The following KCNC4 variants were observed in gnomAD, a reference collection of about 807,000 sequenced individuals.
The protein encoded by KCNC4 is voltage-gated potassium channel KCNC4.
A neutral mutation model predicts 42.8 loss-of-function variants in KCNC4; 23 were observed. The observed-to-expected ratio is 0.54, with a 90% CI of 0.39 to 0.76. KCNC4 has a LOEUF of 0.76. Among genes scored for constraint, KCNC4 ranks in the 30% least tolerant of loss-of-function variants. The probability of loss-of-function intolerance (pLI) is 0.00; values close to 1 mark genes in which losing one functional copy is unlikely to be tolerated. For missense variants in KCNC4, 751 were observed against 898.2 expected (o/e 0.84, Z 2.10); for synonymous variants, 422 against 393.5 (o/e 1.07, Z -0.86).
intron 1 of KCNC4, among the ~76,000 whole-genome samples, chr1:110,265,083 G>GAA (rs34254003): frequency 8.8e-6 from 1 of 113,418 alleles, no homozygotes; most frequent in Non-Finnish European, 1.8e-5. Flanking sequence ...CTCTGTCTCA[G>GAA]AAAAAAAAAA....
Position 110,210,562 on chromosome 1 carries a change from AG to A in KCNC4, c.-937del. Among the ~76,000 whole-genome samples, 1 of 151,522 alleles carries A rather than the reference AG, an allele frequency of 6.6e-6. No individual in the cohort carries two copies. Among genetic ancestry groups the A allele is most frequent in the East Asian group, 1.9e-4 (1 of 5,132 alleles). On this transcript the variant is annotated 5_prime_UTR_variant, in exon 1 of 4. The change creates a premature stop within an existing upstream ORF in the 5' untranslated region. Coordinates refer to ENST00000438661, the MANE Select transcript of KCNC4 (RefSeq NM_001039574.3). ...GGCTCCCTCTCCGCGCGGCCCGGGA[AG>A]CCTGCAGGTGTCCTTGGCCGCTCGG...
rs899006183 is a variant in KCNC4 at position 110,210,759 on chromosome 1, C to G, written c.-741C>G. ...GCAGCTCCCAGCCGCGGACGCAGGA[C>G]CCGAGGCTCGCTCCTGCGGGCGCGC... On this transcript the variant is annotated 5_prime_UTR_variant, in exon 1 of 4. Coordinates refer to ENST00000438661, the MANE Select transcript of KCNC4 (RefSeq NM_001039574.3). Among the ~76,000 whole-genome samples the G allele has an allele frequency of 4.6e-5, 7 of 151,702 alleles. No homozygotes were observed. Among genetic ancestry groups the G allele is most frequent in the African/African-American group, 9.7e-5 (4 of 41,376 alleles).
chr1:110,214,356 G>C (rs1050062181), intron 1 of KCNC4, among the ~76,000 whole-genome samples: 1 of 152,142 alleles, frequency 6.6e-6, no homozygotes, highest in South Asian at 2.1e-4. Context: ...TGAATATCTG[G>C]ATGGAGCTCT....
intron 1 of KCNC4, among the ~76,000 whole-genome samples, chr1:110,264,047 G>T (rs1019512572): frequency 3.3e-5 from 5 of 152,112 alleles, no homozygotes; most frequent in African/African-American, 1.2e-4. Flanking sequence ...AACTGAACAG[G>T]TGTCTTCTGG....
chr1:110,217,201 C>T (rs1343412283), intron 1 of KCNC4, among the ~76,000 whole-genome samples: 1 of 151,988 alleles, frequency 6.6e-6, no homozygotes, highest in Non-Finnish European at 1.5e-5. Context: ...TGAGAGGTGC[C>T]ACAGGAGTCG....
Position 110,223,723 on chromosome 1 carries a change from T to G in KCNC4, c.1438T>G (p.Ser480Ala). 6.2e-7 allele frequency: 1 copy of G among 1,614,060 alleles called. No individual in the cohort carries two copies. The stretch of plus-strand genomic sequence containing the variant: ...CGTCAACAACTTCGGCATGTACTAC[T>G]CCCTGGCCATGGCCAAGCAGAAGCT... ...VIVNNFGMYY[S>A]LAMAKQKLPK... Residue 480 changes from serine to alanine, a missense_variant, in exon 2 of 4, where the codon TCC becomes GCC. Transcript: ENST00000438661. This position sits in a 1 kb window ranked among gnomAD's most constrained non-coding sequence, Gnocchi z 7.5.
At position 110,257,154 on chromosome 1, in the gene KCNC4, A is replaced by C. The variant is rs976280574; in HGVS notation, n.31-25380A>C. Among the ~76,000 whole-genome samples the C allele has an allele frequency of 2.6e-5, 4 of 152,338 alleles. No individual in the cohort carries two copies. The East Asian group carries it at 7.7e-4, about 29-fold the overall frequency. On this transcript the variant is annotated intron_variant and non_coding_transcript_variant, in intron 1 of 2. Transcript: ENST00000412512. ...TTTTAGAAGAAAAACCTAATTAAAC[A>C]GTTATGGGTTGGGAGCATAATAAAT...
At chr1:110,257,702 C>A (rs1659359741) in intron 1 of KCNC4, among the ~76,000 whole-genome samples, 1 of 124,732 alleles carries the variant, frequency 8.0e-6, no homozygotes, top group African/African-American at 3.3e-5. Context: ...GCCTTGGCAA[C>A]AGAGCGAGAC....
downstream of KCNC4, among the ~76,000 whole-genome samples, chr1:110,249,683 A>G (rs977766591): frequency 2.6e-5 from 4 of 152,252 alleles, no homozygotes; most frequent in Admixed American, 6.5e-5. Context: ...CTTAAAAGAA[A>G]AGAGAAATTG....
At chr1:110,216,352 C>T (rs1258396577) in intron 1 of KCNC4, among the ~76,000 whole-genome samples, 5 of 152,194 alleles carry the variant, frequency 3.3e-5, no homozygotes, top group African/African-American at 1.2e-4. Flanking sequence ...CCAAGCCTGC[C>T]CGGGGCAGCC....
At chr1:110,226,249 C>T (rs1047429083) in intron 3 of KCNC4, 71 bp downstream of exon 3, 1 of 1,336,000 alleles carries the variant, frequency 7.5e-7, no homozygotes, top group Non-Finnish European at 1.1e-6. Flanking sequence ...CCACCAAGAG[C>T]CTGAGGTCCC....
Position 110,232,997 on chromosome 1 carries a change from G to C in KCNC4, c.*25G>C, listed in dbSNP as rs1353859024. ...AAGCGGCACCAACGTGAGAGAGACA[G>C]GCAGACAGACAGAAAGCCAGAGGCT... On this transcript the variant is annotated 3_prime_UTR_variant, in exon 4 of 4. Coordinates refer to ENST00000438661, the MANE Select transcript of KCNC4 (RefSeq NM_001039574.3). The C allele has an allele frequency of 1.2e-6, 2 of 1,606,282 alleles. No homozygotes were observed. The highest frequency in any genetic ancestry group is 1.7e-6 in the Non-Finnish European group (2 of 1,176,614).
rs374603254 is a variant in KCNC4 at position 110,239,641 on chromosome 1, C to T, written c.*7332C>T. The T allele has an allele frequency of 2.6e-5, 4 of 152,238 alleles. No individual in the cohort carries two copies. In the East Asian group the frequency reaches 7.7e-4, roughly 29 times the overall value. 9.4% of individuals were successfully genotyped at this position (152,238 alleles called of 1,614,324 possible). A position where few individuals can be genotyped will look rare whatever the true frequency, so the allele number is the denominator to read the frequency against. On this transcript the variant is annotated 3_prime_UTR_variant, in exon 4 of 4. Coordinates refer to the KCNC4 transcript ENST00000369787. ...GAGCAGCTGCTGAACTCCATCCTCT[C>T]TTATTCCTCGCAAGCTGTCTCCAGC...
At chr1:110,234,800 C>T (rs938537502), downstream of KCNC4, 1 of 152,288 alleles carries the variant, frequency 6.6e-6, no homozygotes, top group Non-Finnish European at 1.5e-5. Flanking sequence ...TTATTCTTGT[C>T]TTACTCCTCA....
chr1:110,282,483 C>G (rs1272289111), intron 1 of KCNC4: 1 of 152,212 alleles, frequency 6.6e-6, no homozygotes, highest in Non-Finnish European at 1.5e-5. Flanking sequence ...GCTTGAGTGT[C>G]TGTAATGTTG....
At chr1:110,224,718 T>G (rs1658295146) in intron 2 of KCNC4, 1 of 152,168 alleles carries the variant, frequency 6.6e-6, no homozygotes, top group African/African-American at 2.4e-5. Flanking sequence ...AGTTGGGAAA[T>G]GGAAAACTGC....
At chr1:110,219,477 C>T (rs564830448) in intron 1 of KCNC4, among the ~76,000 whole-genome samples, 17 of 152,298 alleles carry the variant, frequency 1.1e-4, no homozygotes, top group South Asian at 1.0e-3. Flanking sequence ...AGTCTAAACC[C>T]GGGCCCAAGG....
intron 1 of KCNC4, among the ~76,000 whole-genome samples, chr1:110,219,229 A>T: frequency 6.6e-6 from 1 of 152,206 alleles, no homozygotes; most frequent in East Asian, 1.9e-4. Flanking sequence ...TTGGCTCCAG[A>T]TTCGGCTCAC....
At chr1:110,258,642 T>C (rs1659376335) in intron 1 of KCNC4, among the ~76,000 whole-genome samples, 2 of 152,172 alleles carry the variant, frequency 1.3e-5, no homozygotes, top group South Asian at 4.1e-4. Flanking sequence ...TTCAAATCAT[T>C]CACACAGATG....
Sources: gnomAD v4.1 joint callset for allele counts (sites outside exome capture counted in the v4.1 genomes callset) on GRCh38, gnomAD v4.1.1 for gene constraint, Gnocchi (gnomAD v3.1) non-coding constraint, MANE v1.5 for transcripts, NCBI Gene and HGNC (gene_info 2026-07-23, HGNC 2026-07-21) for gene names.